PABPC1: variants seen among roughly 807,000 people sequenced by gnomAD.
PABPC1 encodes the protein poly(A) binding protein cytoplasmic 1, also known as polyadenylate-binding protein 1.
PABPC1 carries 4 observed loss-of-function variants against 74.0 expected under a neutral mutation model. The observed-to-expected ratio is 0.05, with a 90% CI of 0.03 to 0.12. The LOEUF (loss-of-function observed/expected upper bound fraction) is 0.12, where lower values mean the gene tolerates loss of function less well. PABPC1 is among the 10% of genes least tolerant of loss of function. PABPC1 has a pLI of 1.00. For missense variants in PABPC1, 271 were observed against 821.1 expected, an observed-to-expected ratio of 0.33 and a Z score of 8.19; for synonymous variants, 227 against 264.1, an observed-to-expected ratio of 0.86 and a Z score of 1.36.
intron 12 of PABPC1, 143 bp downstream of exon 12, chr8:100,705,446 C>A: frequency 1.4e-6 from 1 of 712,378 alleles, no homozygotes; most frequent in Non-Finnish European, 2.6e-6. Flanking sequence ...TTTAATTAGG[C>A]AGACCAACTG....
At chr8:100,707,310 G>T in intron 9 of PABPC1, 1 of 274,876 alleles carries the variant, frequency 3.6e-6, no homozygotes, top group South Asian at 3.4e-5. Flanking sequence ...AAAGACAGCT[G>T]GGCACGGGGG....
intron 11 of PABPC1, 90 bp from the exon 12 acceptor site, chr8:100,705,763 G>A (rs1563609090): frequency 3.7e-6 from 3 of 816,152 alleles, no homozygotes; most frequent in Non-Finnish European, 6.2e-6. Context: ...TGAAGTGGTA[G>A]ACTTCCATCG....
At chr8:100,719,388 G>GTT (rs34795139) in intron 1 of PABPC1, among the ~76,000 whole-genome samples, 37,354 of 142,076 alleles carry the variant, frequency 0.26, 5,127 homozygotes, top group South Asian at 0.37. Context: ...AGCTTCCCTA[G>GTT]TTTTTTTTTT....
intron 13 of PABPC1, 85 bp downstream of exon 13, chr8:100,704,841 T>C (rs1177253631): frequency 7.5e-7 from 1 of 1,331,252 alleles, no homozygotes; most frequent in East Asian, 2.3e-5. Context: ...TATAACACGA[T>C]GTAAGTGTTC....
chr8:100,710,732 A>G (rs1367567100), intron 7 of PABPC1, among the ~76,000 whole-genome samples: 1 of 152,226 alleles, frequency 6.6e-6, no homozygotes, highest in Non-Finnish European at 1.5e-5. Context: ...CACGCCTGTA[A>G]TCCTAGCACT....
Position 100,706,919 on chromosome 8 carries a change from T to C in PABPC1, c.1415A>G (p.Gln472Arg). Residue 472 changes from glutamine (Q) to arginine (R), a missense_variant, in exon 10 of 15, where the codon CAG becomes CGG. Around this residue, in one of 7 missense-constraint regions of PABPC1, gnomAD observed 103 missense variants for 245.3 expected, o/e 0.42. Coordinates refer to ENST00000318607, the MANE Select transcript of PABPC1 (RefSeq NM_002568.4). ...PFSTMRPASS[Q>R]VPRVMSTQRV... ...CTGTGTTGACATGACTCGTGGAACC[T>C]GTGAAGAAGCTGGTCTCATAGTACT... is the stretch of plus-strand genomic sequence containing the variant. 6.2e-7 allele frequency: 1 copy of C among 1,614,120 alleles called. No homozygotes were observed. Among genetic ancestry groups the C allele is most frequent in the Non-Finnish European group, 8.5e-7 (1 of 1,179,970 alleles).
chr8:100,707,273 G>C, intron 9 of PABPC1: 1 of 282,162 alleles, frequency 3.5e-6, no homozygotes, highest in East Asian at 9.4e-5. Context: ...CAGAAATAAA[G>C]ACACGAGACA....
chr8:100,712,310 CATGTATGAATTT>C, intron 7 of PABPC1, 40 bp downstream of exon 7: 8 of 1,009,438 alleles, frequency 7.9e-6, no homozygotes, highest in Non-Finnish European at 1.2e-5. Flanking sequence ...CATATATCTA[CATGTATGAATTT>C]TTACTAGACC....
chr8:100,714,957 T>C (rs971368193), intron 4 of PABPC1, among the ~76,000 whole-genome samples: 1 of 152,184 alleles, frequency 6.6e-6, no homozygotes, highest in African/African-American at 2.4e-5. Flanking sequence ...GTACTTTGAA[T>C]CACTGGAAAA....
chr8:100,716,607 G>A (rs894075827), intron 3 of PABPC1, among the ~76,000 whole-genome samples: 3 of 152,148 alleles, frequency 2.0e-5, no homozygotes, highest in Non-Finnish European at 2.9e-5. Flanking sequence ...GTTGGTCTTC[G>A]CTATGCTATT....
At position 100,721,646 on chromosome 8, in the gene PABPC1, G is replaced by A. The variant is rs1202311882; in HGVS notation, c.-63C>T. ...TTTCCGTGAGAGGAGGAGAGCGAGT[G>A]CCGGGGCTGGGGGCCGGAGCCGGGG... On this transcript the variant is annotated 5_prime_UTR_variant, in exon 1 of 15. Coordinates refer to ENST00000318607, the MANE Select transcript of PABPC1 (RefSeq NM_002568.4). This position sits in a 1 kb window ranked among gnomAD's most constrained non-coding sequence, Gnocchi z 7.4. The A allele has an allele frequency of 3.0e-6, 4 of 1,326,522 alleles. No homozygotes were observed. Among genetic ancestry groups the A allele is most frequent in the Admixed American group, 5.6e-5 (2 of 35,600 alleles). The allele number at this position is 1,326,522 out of a possible 1,614,324, so 82.2% of individuals were successfully genotyped here.
intron 7 of PABPC1, 93 bp from the exon 8 acceptor site, chr8:100,709,824 CAAAT>C: frequency 7.8e-7 from 1 of 1,281,744 alleles, no homozygotes; most frequent in Non-Finnish European, 1.1e-6. Context: ...ATCACTGAAT[CAAAT>C]AACTAAACCC....
At position 100,706,826 on chromosome 8, in the gene PABPC1, G is replaced by C. The variant is rs755922020; in HGVS notation, c.1448-21C>G. On this transcript the variant is annotated intron_variant, in intron 10 of 14. Transcript: ENST00000318607. ...GTTAGCTAAAAAATAAGAACATTTT[G>C]TATTTTTATCTTGCTCTTTCAAATT... The C allele has an allele frequency of 4.3e-6, 5 of 1,162,824 alleles. No individual in the cohort carries two copies. The South Asian group carries it at 8.8e-5, about 20-fold the overall frequency. The allele number at this position is 1,162,824 out of a possible 1,614,324, so 72.0% of individuals were successfully genotyped here.
chr8:100,712,932 A>ATATATATTT, intron 5 of PABPC1, 143 bp from the exon 6 acceptor site: 1 of 1,129,168 alleles, frequency 8.9e-7, no homozygotes, highest in Non-Finnish European at 1.2e-6. Context: ...GGGACAATAT[A>ATATATATTT]GGTTACCAAT....
intron 1 of PABPC1, 67 bp from the exon 2 acceptor site, chr8:100,718,347 A>G (rs1156859510): frequency 3.9e-6 from 5 of 1,298,230 alleles, no homozygotes; most frequent in Non-Finnish European, 5.4e-6. Flanking sequence ...AAGATTATAT[A>G]AACTATGGTG....
rs920848580 is a variant in PABPC1 at position 100,709,449 on chromosome 8, T to G, written c.1245+10A>C. On this transcript the variant is annotated intron_variant, in intron 8 of 14. Coordinates refer to ENST00000318607, the MANE Select transcript of PABPC1 (RefSeq NM_002568.4). ...AACCTTCATGGTTCTGGTTGCCTTCTAAAACCTACCTGTGGGATAGCTGCC... is the reference window on the plus strand; with the variant it reads ...AACCTTCATGGTTCTGGTTGCCTTCGAAAACCTACCTGTGGGATAGCTGCC... The G allele has an allele frequency of 6.7e-7, 1 of 1,497,050 alleles. No homozygotes were observed. The highest frequency in any genetic ancestry group is 8.9e-7 in the Non-Finnish European group (1 of 1,118,150). 92.7% of individuals were successfully genotyped at this position (1,497,050 alleles called of 1,614,324 possible).
intron 1 of PABPC1, among the ~76,000 whole-genome samples, chr8:100,720,345 T>G (rs778463133): frequency 3.9e-5 from 6 of 152,222 alleles, no homozygotes; most frequent in Non-Finnish European, 8.8e-5. Context: ...CCCCATAAAT[T>G]TCAAGCTCAA....
intron 9 of PABPC1, 95 bp from the exon 10 acceptor site, chr8:100,707,092 G>A: frequency 6.7e-6 from 6 of 898,952 alleles, no homozygotes; most frequent in Non-Finnish European, 8.6e-6. Flanking sequence ...TTGCATAAAA[G>A]ACTAAAAAGT....
intron 9 of PABPC1, 151 bp from the exon 10 acceptor site, chr8:100,707,148 G>A (rs1810401377): frequency 3.5e-6 from 2 of 574,722 alleles, no homozygotes; most frequent in South Asian, 4.0e-5. Context: ...CATTTTCCCA[G>A]ACTCAGAGCA....
Sources: gnomAD v4.1 joint callset for allele counts (sites outside exome capture counted in the v4.1 genomes callset) on GRCh38, gnomAD v4.1.1 for gene constraint, gnomAD v4.1.1 regional missense constraint, Gnocchi (gnomAD v3.1) non-coding constraint, MANE v1.5 for transcripts, NCBI Gene and HGNC (gene_info 2026-07-23, HGNC 2026-07-21) for gene names.